Variants in PAK3 observed in about 807,000 individuals in gnomAD.
The protein encoded by PAK3 is p21 (RAC1) activated kinase 3, also known as serine/threonine-protein kinase PAK 3.
A neutral mutation model predicts 41.0 loss-of-function variants in PAK3; 4 were observed. That is an observed-to-expected ratio of 0.10 (90% confidence interval 0.05 to 0.22). The LOEUF (loss-of-function observed/expected upper bound fraction) is 0.22. PAK3 is among the 10% of genes least tolerant of loss of function. PAK3 has a pLI of 1.00. For missense variants in PAK3, 205 were observed against 409.9 expected, an observed-to-expected ratio of 0.50 and a Z score of 4.32; for synonymous variants, 146 against 139.6, an observed-to-expected ratio of 1.05 and a Z score of -0.32.
At chrX:111,131,214 C>T (rs932022825) in intron 5 of PAK3, among the ~76,000 whole-genome samples, 9 of 111,381 alleles carry the variant, frequency 8.1e-5, no homozygotes, top group African/African-American at 2.9e-4. Flanking sequence ...AAGTAACTAG[C>T]TTTTGTAAAA....
In PAK3 at chrX:111,009,276, C is replaced by A. The variant is rs143876761; in HGVS notation, c.-28+64648C>A. On this transcript the variant is annotated intron_variant, in intron 1 of 14. Coordinates refer to the PAK3 transcript ENST00000425146. ...ATTTTTTCAATTGTACTCTCTCTCTCCACTCTCCTGCTCTTTGGGGGCAAA... is the reference window on the plus strand; with the variant it reads ...ATTTTTTCAATTGTACTCTCTCTCTACACTCTCCTGCTCTTTGGGGGCAAA... Among the ~76,000 whole-genome samples, 231 of 111,483 alleles carry A rather than the reference C, an allele frequency of 2.1e-3. 1 individual carries two copies. Among genetic ancestry groups the A allele is most frequent in the African/African-American group, 6.8e-3 (208 of 30,700 alleles).
intron 7 of PAK3, 135 bp downstream of exon 7, chrX:111,148,025 C>CA (rs2093973772): frequency 4.0e-6 from 2 of 503,389 alleles, no homozygotes; most frequent in Admixed American, 3.6e-5. Context: ...ATAAGGAAAC[C>CA]AAAAAATGAG....
chrX:110,951,654 G>A (rs893287810), intron 1 of PAK3, among the ~76,000 whole-genome samples: 2 of 112,295 alleles, frequency 1.8e-5, no homozygotes, highest in Admixed American at 1.9e-4. Flanking sequence ...GAGAAAGGCT[G>A]GGAGCAGAAA....
intron 1 of PAK3, among the ~76,000 whole-genome samples, chrX:111,059,389 C>T (rs1004632854): frequency 2.7e-5 from 3 of 110,731 alleles, no homozygotes; most frequent in Non-Finnish European, 5.7e-5. Context: ...CCTGGCTGGT[C>T]TTGAACTCCT....
At chrX:111,055,468 T>A (rs769666993) in intron 1 of PAK3, among the ~76,000 whole-genome samples, 1 of 112,265 alleles carries the variant, frequency 8.9e-6, no homozygotes, top group South Asian at 3.7e-4. Context: ...GGGTCCCACA[T>A]CAACTCTTCA....
chrX:111,189,395 G>A (rs1428114120), intron 11 of PAK3, among the ~76,000 whole-genome samples: 1 of 111,933 alleles, frequency 8.9e-6, no homozygotes, highest in East Asian at 2.8e-4. Flanking sequence ...ACAAGTGCAT[G>A]TGTCTTTTTG....
chrX:110,958,909 G>A (rs2090920908), intron 1 of PAK3, among the ~76,000 whole-genome samples: 1 of 111,428 alleles, frequency 9.0e-6, no homozygotes, highest in Non-Finnish European at 1.9e-5. Context: ...TACTCTTCTT[G>A]CCAAGGCATG....
At chrX:110,970,564 C>T (rs1021726925) in intron 1 of PAK3, among the ~76,000 whole-genome samples, 6 of 110,602 alleles carry the variant, frequency 5.4e-5, no homozygotes, top group Non-Finnish European at 9.5e-5. Context: ...ACATGGACAT[C>T]GGGAGGGGAA....
At chrX:111,061,976 A>C (rs1359110207) in intron 1 of PAK3, among the ~76,000 whole-genome samples, 1 of 110,174 alleles carries the variant, frequency 9.1e-6, no homozygotes, top group African/African-American at 3.3e-5. Flanking sequence ...CATAACACCC[A>C]GTTAATTTTT....
chrX:111,135,423 G>A (rs1459305878), intron 5 of PAK3, among the ~76,000 whole-genome samples: 1 of 111,083 alleles, frequency 9.0e-6, no homozygotes, highest in African/African-American at 3.3e-5. Context: ...ACTACATGGG[G>A]TTGGGGTGCA....
intron 1 of PAK3, among the ~76,000 whole-genome samples, chrX:110,966,603 G>A (rs1025110469): frequency 1.8e-5 from 2 of 111,212 alleles, no homozygotes; most frequent in African/African-American, 3.3e-5. Flanking sequence ...AATTTTGACT[G>A]CAGTTTTAGA....
chrX:111,198,612 C>T (rs1368611198), intron 16 of PAK3, among the ~76,000 whole-genome samples: 1 of 111,546 alleles, frequency 9.0e-6, no homozygotes, highest in Non-Finnish European at 1.9e-5. Flanking sequence ...TTATTGTTGA[C>T]TTTGTCAAAA....
chrX:111,160,861 A>G (rs1163351272), intron 8 of PAK3, among the ~76,000 whole-genome samples: 2 of 112,302 alleles, frequency 1.8e-5, no homozygotes, highest in Non-Finnish European at 3.8e-5. Context: ...AATCCAGTCT[A>G]TCATTGTTGG....
chrX:110,975,954 T>TA (rs1431864401), intron 1 of PAK3, among the ~76,000 whole-genome samples: 1 of 111,836 alleles, frequency 8.9e-6, no homozygotes, highest in East Asian at 2.8e-4. Flanking sequence ...TATACAAAAA[T>TA]TAATACAAGA....
At chrX:111,103,530 G>A (rs1204101785) in intron 4 of PAK3, among the ~76,000 whole-genome samples, 1 of 111,892 alleles carries the variant, frequency 8.9e-6, no homozygotes, top group Admixed American at 9.4e-5. Flanking sequence ...CCTACATTTT[G>A]GGGTGAGGAG....
chrX:111,187,464 A>T (rs1311390134), intron 11 of PAK3, among the ~76,000 whole-genome samples: 1 of 111,594 alleles, frequency 9.0e-6, no homozygotes, highest in Non-Finnish European at 1.9e-5. Flanking sequence ...TCACAAAGAA[A>T]CTAAATTACT....
intron 1 of PAK3, among the ~76,000 whole-genome samples, chrX:110,950,696 T>C (rs1465447752): frequency 8.9e-6 from 1 of 112,066 alleles, no homozygotes; most frequent in Non-Finnish European, 1.9e-5. Context: ...TAATCCAACC[T>C]TTGTTGATGA....
chrX:111,105,573 T>A (rs980195918), intron 4 of PAK3, among the ~76,000 whole-genome samples: 2 of 111,837 alleles, frequency 1.8e-5, no homozygotes, highest in Admixed American at 1.9e-4. Context: ...TTTTCTCACA[T>A]CATAAGCACC....
intron 1 of PAK3, among the ~76,000 whole-genome samples, chrX:111,077,275 C>T (rs1392680001): frequency 9.0e-6 from 1 of 111,290 alleles, no homozygotes; most frequent in African/African-American, 3.3e-5. Flanking sequence ...ATCAAAATTC[C>T]AATGATATTT....
Sources: gnomAD v4.1 joint callset for allele counts (sites outside exome capture counted in the v4.1 genomes callset) on GRCh38, gnomAD v4.1.1 for gene constraint, MANE v1.5 for transcripts, NCBI Gene and HGNC (gene_info 2026-07-23, HGNC 2026-07-21) for gene names.